Variants in SCRN3 observed in about 807,000 individuals in gnomAD.
SCRN3 encodes secernin 3, also known as secernin-3.
SCRN3 carries 39 observed loss-of-function variants against 43.1 expected under a neutral mutation model. That is an observed-to-expected ratio of 0.91 (90% CI 0.70 to 1.18). The LOEUF (loss-of-function observed/expected upper bound fraction) is 1.18, where lower values mean the gene tolerates loss of function less well. SCRN3 is among the 50% of genes most tolerant of loss of function. The probability of loss-of-function intolerance (pLI) is 0.00; values close to 1 mark genes in which losing one functional copy is unlikely to be tolerated. For missense variants in SCRN3, 484 were observed against 498.0 expected (o/e 0.97, Z 0.27); for synonymous variants, 147 against 163.1 (o/e 0.90, Z 0.75).
Position 174,397,170 on chromosome 2 carries a change from C to A in SCRN3, c.-9-1105C>A, listed in dbSNP as rs1052928705. ...GAGGAAAACCCTTAAGAGTTTCAGT[C>A]TGAAGTTTTTATTTAGTCATTTTCT... On this transcript the variant is annotated intron_variant, in intron 1 of 7. Coordinates refer to ENST00000272732, the MANE Select transcript of SCRN3 (RefSeq NM_024583.5). The A allele has an allele frequency of 5.1e-6, 5 of 978,268 alleles. No individual in the cohort carries two copies. The East Asian group carries it at 5.7e-4, about 111-fold the overall frequency. The allele number at this position is 978,268 out of a possible 1,614,324, so 60.6% of individuals were successfully genotyped here.
chr2:174,412,646 C>G (rs1288884156), intron 5 of SCRN3, among the ~76,000 whole-genome samples: 10 of 152,104 alleles, frequency 6.6e-5, no homozygotes, highest in African/African-American at 1.9e-4. Flanking sequence ...CTCTGTTGTT[C>G]TAGCTAGAGG....
intron 5 of SCRN3, among the ~76,000 whole-genome samples, chr2:174,415,965 G>T (rs114303170): frequency 2.6e-5 from 4 of 152,056 alleles, no homozygotes; most frequent in Admixed American, 6.6e-5. Flanking sequence ...TCTATAAAGC[G>T]GTCAGAAAGC....
intron 5 of SCRN3, among the ~76,000 whole-genome samples, chr2:174,406,097 A>T (rs1403043168): frequency 7.2e-6 from 1 of 139,420 alleles, no homozygotes; most frequent in Non-Finnish European, 1.6e-5. Context: ...TAAGCATGGA[A>T]TGTTCTTCCA....
intron 5 of SCRN3, among the ~76,000 whole-genome samples, chr2:174,422,269 A>C (rs1260815975): frequency 2.0e-5 from 3 of 152,152 alleles, no homozygotes; most frequent in Non-Finnish European, 4.4e-5. Context: ...TCTACAGAAA[A>C]ATTTTAAAAT....
chr2:174,404,186 C>A lies in SCRN3; in HGVS notation c.625C>A (p.Arg209=), dbSNP rs770540301. 6.2e-6 allele frequency: 10 copies of A among 1,613,624 alleles called. No homozygotes were observed. The Admixed American group carries it at 1.2e-4, about 19-fold the overall frequency. ...CCCAGACATGAGAAACTATGCTAAG[C>A]GGAAAGGTTGGTGGGATGGTAAAAA... ...EHPDMRNYAK[R]KGWWDGKKEF... Residue 209 remains arginine (R), a synonymous_variant, in exon 5 of 8, where the codon CGG becomes AGG. Coordinates refer to ENST00000272732, the MANE Select transcript of SCRN3 (RefSeq NM_024583.5).
chr2:174,413,927 G>T (rs1218916240), intron 5 of SCRN3, among the ~76,000 whole-genome samples: 1 of 152,012 alleles, frequency 6.6e-6, no homozygotes, highest in Non-Finnish European at 1.5e-5. Flanking sequence ...GTTGAGGTCT[G>T]GTTCTTCAGG....
intron 5 of SCRN3, among the ~76,000 whole-genome samples, chr2:174,406,052 A>G (rs1478458404): frequency 7.2e-6 from 1 of 138,642 alleles, no homozygotes; most frequent in East Asian, 2.1e-4. Context: ...CTTGGGCAGT[A>G]TGGCCATTTT....
At chr2:174,404,365 A>G in intron 5 of SCRN3, 50 bp downstream of exon 5, 1 of 1,277,108 alleles carries the variant, frequency 7.8e-7, no homozygotes, top group Non-Finnish European at 1.1e-6. Context: ...CATTTTGTGT[A>G]GATGTAATAT....
At position 174,397,139 on chromosome 2, in the gene SCRN3, G is replaced by A. The variant is rs1227397753; in HGVS notation, c.-9-1136G>A. ...AAGACATCAGACTTCTCGTCACTGA[G>A]GAGAAGAGGAAAACCCTTAAGAGTT... On this transcript the variant is annotated intron_variant, in intron 1 of 7. Coordinates refer to ENST00000272732, the MANE Select transcript of SCRN3 (RefSeq NM_024583.5). 4.5e-5 allele frequency: 44 copies of A among 976,240 alleles called. No individual in the cohort carries two copies. The Middle Eastern group carries it at 2.1e-3, about 47-fold the overall frequency. The allele number at this position is 976,240 out of a possible 1,614,324, so 60.5% of individuals were successfully genotyped here.
At chr2:174,404,519 A>G (rs1025776498) in intron 5 of SCRN3, among the ~76,000 whole-genome samples, 2 of 149,308 alleles carry the variant, frequency 1.3e-5, no homozygotes, top group African/African-American at 5.0e-5. Flanking sequence ...GGTTAGTTAC[A>G]TATGTATACA....
At position 174,400,980 on chromosome 2, in the gene SCRN3, T is replaced by C. The variant is rs1209220871; in HGVS notation, c.342-10T>C. The C allele has an allele frequency of 5.7e-6, 9 of 1,576,906 alleles. No homozygotes were observed. Among genetic ancestry groups the C allele is most frequent in the Non-Finnish European group, 7.7e-6 (9 of 1,161,466 alleles). On this transcript the variant is annotated splice_polypyrimidine_tract_variant and intron_variant, in intron 3 of 7. Transcript: ENST00000272732. ...TATTTTAATATGAGAACTTTATATT[T>C]TTGTTTTAGACTTGGCCTTGAAAGA...
In SCRN3 at chr2:174,401,073, A is replaced by G; in HGVS notation, c.425A>G (p.Asn142Ser). The G allele has an allele frequency of 6.2e-7, 1 of 1,613,870 alleles. No homozygotes were observed. The highest frequency in any genetic ancestry group is 2.2e-5 in the East Asian group (1 of 44,858). ...CTAGAAAAATATGGCCAGGGTGGAAATTGCACAGAGGGTAGAATGGTATTT... is the reference window on the plus strand; with the variant it reads ...CTAGAAAAATATGGCCAGGGTGGAAGTTGCACAGAGGGTAGAATGGTATTT... ...DLLEKYGQGG[N>S]CTEGRMVFSY... is the part of the protein sequence containing the mutation. The change falls in exon 4 of 8, where the codon AAT (asparagine) becomes AGT (serine). Residue 142 changes from asparagine to serine, a missense_variant. Asn to Ser is a conservative substitution (Grantham distance 46, BLOSUM62 1). Coordinates refer to ENST00000272732, the MANE Select transcript of SCRN3 (RefSeq NM_024583.5).
intron 4 of SCRN3, among the ~76,000 whole-genome samples, chr2:174,402,374 A>T (rs1457026132): frequency 2.0e-5 from 3 of 152,174 alleles, no homozygotes; most frequent in Admixed American, 6.6e-5. Flanking sequence ...TTGTTAAATG[A>T]TAGGGAATTA....
intron 1 of SCRN3, chr2:174,397,272 T>C (rs1162415258): frequency 1.0e-6 from 1 of 984,664 alleles, no homozygotes; most frequent in Non-Finnish European, 1.2e-6. Context: ...AAAGCCATTT[T>C]AAGGTTTTGC....
chr2:174,412,475 T>C (rs1685955680), intron 5 of SCRN3, among the ~76,000 whole-genome samples: 1 of 150,354 alleles, frequency 6.7e-6, no homozygotes, highest in Non-Finnish European at 1.5e-5. Flanking sequence ...CATCTAAAAC[T>C]CTGAAGGAAG....
intron 5 of SCRN3, among the ~76,000 whole-genome samples, chr2:174,421,754 T>C (rs1466091498): frequency 6.6e-6 from 1 of 152,228 alleles, no homozygotes; most frequent in Non-Finnish European, 1.5e-5. Flanking sequence ...TCCTAAAATA[T>C]TTGATCCCAT....
In SCRN3 at chr2:174,408,598, G is replaced by A. The variant is rs1432287999; in HGVS notation, c.754+4283G>A. On this transcript the variant is annotated intron_variant, in intron 5 of 7. Transcript: ENST00000272732. ...GCATGATTTTGCAGCGGCTGGTACC[G>A]GTTGTTCCTTTCCATGTTTAGCGCT... 8.8e-3 allele frequency among the ~76,000 whole-genome samples: 1,254 copies of A among 143,140 alleles called. 14 individuals are homozygous for A. The highest frequency in any genetic ancestry group is 0.029 in the African/African-American group (1,139 of 39,736). The allele number at this position is 143,140 out of a possible 152,430, so 93.9% of individuals were successfully genotyped here.
At chr2:174,424,745 T>C (rs1386383438) in intron 7 of SCRN3, 96 bp downstream of exon 7, 1 of 904,540 alleles carries the variant, frequency 1.1e-6, no homozygotes, top group Non-Finnish European at 1.7e-6. Context: ...TCCCTTCTTA[T>C]AAGAAATAGT....
chr2:174,396,301 C>T lies in SCRN3; in HGVS notation c.-10+484C>T, dbSNP rs924331350. On this transcript the variant is annotated intron_variant, in intron 1 of 7. Transcript: ENST00000272732. Reference sequence around the variant, plus strand: ...AATACGCGTTAGGAGTTGGTAAAATCTCTCAAGGCTTCACCTCCTCAGTGG... The same window carrying T: ...AATACGCGTTAGGAGTTGGTAAAATTTCTCAAGGCTTCACCTCCTCAGTGG... 20 of 987,448 alleles carry T rather than the reference C, an allele frequency of 2.0e-5. No homozygotes were observed. The African/African-American group carries it at 3.3e-4, about 16-fold the overall frequency. 61.2% of individuals were successfully genotyped at this position (987,448 alleles called of 1,614,324 possible). A position where few individuals can be genotyped will look rare whatever the true frequency, so the allele number is the denominator to read the frequency against.
Sources: allele counts gnomAD v4.1 joint callset (sites outside exome capture counted in the v4.1 genomes callset), GRCh38; gene constraint gnomAD v4.1.1; transcripts MANE v1.5; gene names NCBI Gene and HGNC (gene_info 2026-07-23, HGNC 2026-07-21).